Variants in ATG13 observed in about 807,000 individuals in gnomAD.
The protein encoded by ATG13 is autophagy related 13.
In ATG13, 23 loss-of-function variants were observed where a neutral mutation model predicts 65.5. The observed-to-expected ratio is 0.35, with a 90% CI of 0.25 to 0.50. The LOEUF is 0.50. ATG13 is among the 20% of genes least tolerant of loss of function. ATG13 has a pLI of 0.98. For missense variants in ATG13, 566 were observed against 677.0 expected (o/e 0.84, Z 1.82); for synonymous variants, 252 against 245.2 (o/e 1.03, Z -0.26).
chr11:46,672,723 T>G lies in ATG13; in HGVS notation c.*391T>G. The G allele has an allele frequency of 7.4e-7, 1 of 1,356,352 alleles. No individual in the cohort carries two copies. The highest frequency in any genetic ancestry group is 9.7e-7 in the Non-Finnish European group (1 of 1,026,638). The allele number at this position is 1,356,352 out of a possible 1,614,324, so 84.0% of individuals were successfully genotyped here. On this transcript the variant is annotated 3_prime_UTR_variant, in exon 19 of 19. Transcript: ENST00000683050. ...TTCCCTGCCTGCTGTCACCATCCAC[T>G]GTTTGACATTCCAGCTGGTGGCCAA... is the stretch of plus-strand genomic sequence containing the variant.
rs563025734 is a variant in ATG13 at position 46,654,518 on chromosome 11, C to T, written c.459-1715C>T. 1.4e-4 allele frequency among the ~76,000 whole-genome samples: 20 copies of T among 147,328 alleles called. No homozygotes were observed. The East Asian group carries it at 3.2e-3, about 24-fold the overall frequency. The stretch of plus-strand genomic sequence containing the variant: ...GGAGGATCGCTTGAGTTCAGGAGTT[C>T]GATACCAGCCTGGGCAACACACCGA... On this transcript the variant is annotated intron_variant, in intron 7 of 18. Transcript: ENST00000683050.
intron 7 of ATG13, among the ~76,000 whole-genome samples, chr11:46,651,842 T>C (rs1367493129): frequency 2.0e-5 from 3 of 152,232 alleles, no homozygotes; most frequent in African/African-American, 7.2e-5. Flanking sequence ...GCTAGACTTC[T>C]ATTGAGATAT....
chr11:46,650,046 C>A, intron 6 of ATG13, 131 bp from the exon 7 acceptor site: 1 of 986,516 alleles, frequency 1.0e-6, no homozygotes, highest in South Asian at 2.4e-5. Flanking sequence ...ATTGGCTTAC[C>A]TCAGTAATCT....
intron 14 of ATG13, among the ~76,000 whole-genome samples, chr11:46,665,867 C>A (rs776325901): frequency 1.6e-5 from 2 of 126,588 alleles, no homozygotes; most frequent in African/African-American, 6.2e-5. Context: ...TGCAGTGGTA[C>A]AATCATGGCT....
chr11:46,630,914 G>A (rs2051477802), intron 2 of ATG13: 1 of 151,818 alleles, frequency 6.6e-6, no homozygotes. Flanking sequence ...ATCTCTCCAT[G>A]TTGTCCAGGC....
intron 7 of ATG13, among the ~76,000 whole-genome samples, chr11:46,654,249 A>G (rs749633467): frequency 2.8e-5 from 4 of 143,616 alleles, no homozygotes; most frequent in African/African-American, 5.2e-5. Flanking sequence ...CCTGGGTCAC[A>G]TGGCAAGACC....
rs200532270 is a variant in ATG13, at chr11:46,664,190, C to G, written c.888+95C>G. 6,863 of 979,760 alleles carry G rather than the reference C, an allele frequency of 7.0e-3. 42 individuals are homozygous for G. The highest frequency in any genetic ancestry group is 9.1e-3 in the Non-Finnish European group (6,073 of 666,610). 60.7% of individuals were successfully genotyped at this position (979,760 alleles called of 1,614,324 possible). On this transcript the variant is annotated intron_variant, in intron 12 of 18. Coordinates refer to ENST00000683050, the MANE Select transcript of ATG13 (RefSeq NM_001346311.2). ...TATAAGGTACAGTTATTTAAATGTC[C>G]CAAGTGTTCTGTGGGATTATTTTGA...
At chr11:46,646,033 CT>C in intron 5 of ATG13, 44 bp downstream of exon 5, 1 of 1,610,388 alleles carries the variant, frequency 6.2e-7, no homozygotes, top group Non-Finnish European at 8.5e-7. Flanking sequence ...GCACTGAAGG[CT>C]CCTCACACTC....
chr11:46,652,794 G>A (rs2059183477), intron 7 of ATG13, among the ~76,000 whole-genome samples: 2 of 152,176 alleles, frequency 1.3e-5, no homozygotes, highest in East Asian at 1.9e-4. Flanking sequence ...AACTGCCTGA[G>A]TCTCAGCTTC....
intron 14 of ATG13, among the ~76,000 whole-genome samples, chr11:46,666,475 AAAATGT>A (rs1362255346): frequency 2.6e-5 from 4 of 152,234 alleles, no homozygotes; most frequent in African/African-American, 9.6e-5. Flanking sequence ...CTCATTTAAA[AAAATGT>A]AAATCTTTGT....
intron 17 of ATG13, among the ~76,000 whole-genome samples, chr11:46,669,174 C>T (rs1005227888): frequency 2.3e-4 from 35 of 152,138 alleles, no homozygotes; most frequent in African/African-American, 8.2e-4. Context: ...AGGTCCTATT[C>T]GTGGCTAGGC....
intron 3 of ATG13, 87 bp downstream of exon 3, chr11:46,644,447 G>A: frequency 8.5e-7 from 1 of 1,176,184 alleles, no homozygotes; most frequent in Non-Finnish European, 1.2e-6. Flanking sequence ...TTGGAAAGTA[G>A]CATAACAGCT....
chr11:46,657,072 T>G (rs762205142), intron 8 of ATG13, 23 bp from the exon 9 acceptor site: 1 of 1,583,502 alleles, frequency 6.3e-7, no homozygotes, highest in South Asian at 1.1e-5. Context: ...CAAAAGAAGC[T>G]AATAATGTAT....
Position 46,646,752 on chromosome 11 carries a change from A to G in ATG13, c.270+763A>G, listed in dbSNP as rs530024595. ...AGTGCTGGGATTACAGGCGTGAGCT[A>G]CTGCGCCTGGCCTGTTTTGTTTTTT... is the stretch of plus-strand genomic sequence containing the variant. On this transcript the variant is annotated intron_variant, in intron 5 of 18. Coordinates refer to ENST00000683050, the MANE Select transcript of ATG13 (RefSeq NM_001346311.2). Among the ~76,000 whole-genome samples, 3 of 151,540 alleles carry G rather than the reference A, an allele frequency of 2.0e-5. No individual in the cohort carries two copies. In the South Asian group the frequency reaches 6.3e-4, roughly 32 times the overall value.
intron 2 of ATG13, among the ~76,000 whole-genome samples, chr11:46,633,014 ATATATATATATAT>A (rs1208867024): frequency 1.9e-5 from 2 of 105,926 alleles, no homozygotes; most frequent in African/African-American, 9.3e-5. Context: ...ATATATATAT[ATATATATATATAT>A]TTTTTTTTTT....
chr11:46,660,594 A>G (rs56357657), intron 11 of ATG13, among the ~76,000 whole-genome samples: 151,704 of 151,706 alleles, frequency 1, 75,851 homozygotes, highest in Non-Finnish European at 1. Context: ...ATTTTTAGTA[A>G]AGATGGGGTT....
intron 11 of ATG13, among the ~76,000 whole-genome samples, chr11:46,661,309 AGTTTGAGACCAGCCTGGCCAACATG>A (rs1488669999): frequency 2.6e-5 from 4 of 151,804 alleles, no homozygotes; most frequent in Non-Finnish European, 5.9e-5. Flanking sequence ...TGAGGTCAGG[AGTTTGAGACCAGCCTGGCCAACATG>A]GTGAAACCCC....
Position 46,625,044 on chromosome 11 carries a change from A to G in ATG13, c.-69-5001A>G, listed in dbSNP as rs543213225. Among the ~76,000 whole-genome samples the G allele has an allele frequency of 1.1e-3, 167 of 152,002 alleles. No homozygotes were observed. The South Asian group carries it at 0.011, about 10-fold the overall frequency. On this transcript the variant is annotated intron_variant, in intron 1 of 18. Coordinates refer to ENST00000683050, the MANE Select transcript of ATG13 (RefSeq NM_001346311.2). ...AGATAATCAACTCATTCACAAGGCC[A>G]GGTTCAGTGGCTCACACCTGTAATC...
chr11:46,672,180 C>G, intron 18 of ATG13, 75 bp from the exon 19 acceptor site: 2 of 1,606,440 alleles, frequency 1.2e-6, no homozygotes, highest in Non-Finnish European at 1.7e-6. Flanking sequence ...GCTGCCTCCC[C>G]TCTTCGGGAC....
Sources: gnomAD v4.1 joint callset for allele counts (sites outside exome capture counted in the v4.1 genomes callset) on GRCh38, gnomAD v4.1.1 for gene constraint, MANE v1.5 for transcripts, NCBI Gene and HGNC (gene_info 2026-07-23, HGNC 2026-07-21) for gene names.